Variants in SYNE1 observed in about 807,000 individuals in gnomAD.
SYNE1 encodes nesprin-1.
A neutral mutation model predicts 1,111.0 loss-of-function variants in SYNE1; 616 were observed. The observed-to-expected ratio is 0.55, with a 90% CI of 0.52 to 0.59. The LOEUF is 0.59. Among genes scored for constraint, SYNE1 ranks in the 20% least tolerant of loss-of-function variants. The pLI is 0.00. For synonymous variants in SYNE1, 3,855 were observed against 3,825.8 expected, an observed-to-expected ratio of 1.01 and a Z score of -0.28; for missense variants, 10,006 against 10,417.0, an observed-to-expected ratio of 0.96 and a Z score of 1.72.
At chr6:152,168,157 G>A (rs1174242915) in intron 130 of SYNE1, 7 of 777,770 alleles carry the variant, frequency 9.0e-6, no homozygotes, top group Non-Finnish European at 1.7e-5. Context: ...CATCCACACA[G>A]CTGTCCTCTG....
intron 32 of SYNE1, among the ~76,000 whole-genome samples, chr6:152,436,310 CT>C (rs539125056): frequency 6.6e-6 from 1 of 151,038 alleles, no homozygotes; most frequent in African/African-American, 2.4e-5. Context: ...TATTTTATTT[CT>C]TTTTTTTTGA....
chr6:152,424,629 C>T (rs1592407284), intron 39 of SYNE1, among the ~76,000 whole-genome samples: 1 of 152,186 alleles, frequency 6.6e-6, no homozygotes, highest in East Asian at 1.9e-4. Flanking sequence ...ACTCAGCAGG[C>T]ACCTGATATA....
At chr6:152,505,100 T>C in intron 9 of SYNE1, 101 bp downstream of exon 9, 1 of 1,336,844 alleles carries the variant, frequency 7.5e-7, no homozygotes, top group Non-Finnish European at 1.1e-6. Context: ...TCCAGCTTTC[T>C]GGCCTCCAAT....
At chr6:152,542,402 G>A (rs757498615) in intron 3 of SYNE1, among the ~76,000 whole-genome samples, 29 of 152,060 alleles carry the variant, frequency 1.9e-4, no homozygotes, top group African/African-American at 6.5e-4. Flanking sequence ...AAACAAATTG[G>A]TATAAAAATA....
intron 127 of SYNE1, among the ~76,000 whole-genome samples, chr6:152,196,367 C>T (rs914488564): frequency 6.6e-5 from 10 of 152,114 alleles, no homozygotes; most frequent in South Asian, 2.1e-4. Flanking sequence ...TCATAGCCAC[C>T]GCAGCTGTGA....
At chr6:152,334,329 T>C (rs763196505) in intron 76 of SYNE1, 56 bp from the exon 77 acceptor site, 47 of 1,592,880 alleles carry the variant, frequency 3.0e-5, no homozygotes, top group Non-Finnish European at 3.8e-5. Context: ...CCCAAATAAA[T>C]ATAGAGAGCA....
At chr6:152,318,709 G>T (rs1481556209) in intron 85 of SYNE1, among the ~76,000 whole-genome samples, 154 bp downstream of exon 85, 3 of 152,204 alleles carry the variant, frequency 2.0e-5, no homozygotes, top group African/African-American at 7.2e-5. Context: ...GAGGATCTGT[G>T]TTGCTTCAGT....
At chr6:152,177,546 A>G (rs2066790746) in intron 129 of SYNE1, among the ~76,000 whole-genome samples, 2 of 152,184 alleles carry the variant, frequency 1.3e-5, no homozygotes, top group African/African-American at 4.8e-5. Flanking sequence ...TATCCTCCCA[A>G]GTCATTTACC....
chr6:152,177,407 T>A (rs543940283), intron 129 of SYNE1, among the ~76,000 whole-genome samples: 32 of 152,350 alleles, frequency 2.1e-4, no homozygotes, highest in African/African-American at 7.2e-4. Flanking sequence ...GATCAACTTT[T>A]TTATTTTTGG....
intron 31 of SYNE1, among the ~76,000 whole-genome samples, chr6:152,441,535 T>C (rs531545196): frequency 6.6e-6 from 1 of 152,244 alleles, no homozygotes; most frequent in African/African-American, 2.4e-5. Context: ...TGTAAAGATA[T>C]TACTTAAAAT....
intron 93 of SYNE1, among the ~76,000 whole-genome samples, chr6:152,298,778 A>G (rs1328223941): frequency 6.6e-6 from 1 of 152,128 alleles, no homozygotes; most frequent in Non-Finnish European, 1.5e-5. Flanking sequence ...CTTCTAACTG[A>G]CATTACTATA....
chr6:152,247,052 G>A (rs1381138055), intron 105 of SYNE1, among the ~76,000 whole-genome samples: 1 of 152,198 alleles, frequency 6.6e-6, no homozygotes, highest in Non-Finnish European at 1.5e-5. Context: ...GCAGTAAAGA[G>A]AAAGACTTGG....
intron 57 of SYNE1, 106 bp from the exon 58 acceptor site, chr6:152,376,664 A>G: frequency 6.4e-7 from 1 of 1,555,334 alleles, no homozygotes; most frequent in Middle Eastern, 1.7e-4. Context: ...TACCTCACTT[A>G]GTAATATATT....
intron 104 of SYNE1, among the ~76,000 whole-genome samples, chr6:152,252,446 G>A (rs180678207): frequency 1.4e-3 from 207 of 152,182 alleles, no homozygotes; most frequent in African/African-American, 4.9e-3. Context: ...TAAAATTTTT[G>A]AAATACAAAA....
chr6:152,496,132 A>G (rs1292431103), intron 11 of SYNE1, among the ~76,000 whole-genome samples: 1 of 152,128 alleles, frequency 6.6e-6, no homozygotes, highest in South Asian at 2.1e-4. Context: ...TACTCCCAAA[A>G]TTCAATTTGC....
chr6:152,563,771 A>G (rs2099402479), intron 3 of SYNE1, among the ~76,000 whole-genome samples: 1 of 152,192 alleles, frequency 6.6e-6, no homozygotes, highest in Admixed American at 6.5e-5. Context: ...ACTATTACAT[A>G]GGCATTTAAT....
chr6:152,521,132 G>A (rs969085216), intron 5 of SYNE1, among the ~76,000 whole-genome samples: 3 of 152,150 alleles, frequency 2.0e-5, no homozygotes, highest in East Asian at 1.9e-4. Flanking sequence ...TTTATATGAA[G>A]AGCATCACTG....
intron 54 of SYNE1, among the ~76,000 whole-genome samples, chr6:152,386,181 A>C (rs1217260026): frequency 1.3e-5 from 2 of 152,188 alleles, no homozygotes; most frequent in African/African-American, 2.4e-5. Flanking sequence ...GGTGTACAGC[A>C]GTCTGTTCAG....
chr6:152,221,368 T>G, intron 118 of SYNE1, 58 bp downstream of exon 118: 1 of 1,584,576 alleles, frequency 6.3e-7, no homozygotes, highest in Non-Finnish European at 8.7e-7. Context: ...TTTAATTATA[T>G]CATTATTTAT....
Sources: allele counts gnomAD v4.1 joint callset (sites outside exome capture counted in the v4.1 genomes callset), GRCh38; gene constraint gnomAD v4.1.1; transcripts MANE v1.5; gene names NCBI Gene and HGNC (gene_info 2026-07-23, HGNC 2026-07-21).